The following ERBB4 variants were observed in gnomAD, a reference collection of about 807,000 sequenced individuals.
ERBB4 encodes the protein receptor tyrosine-protein kinase erbB-4.
A neutral mutation model predicts 158.0 loss-of-function variants in ERBB4; 42 were observed. The observed-to-expected ratio is 0.27, with a 90% CI of 0.21 to 0.34. The LOEUF (loss-of-function observed/expected upper bound fraction) is 0.34. Among genes scored for constraint, ERBB4 ranks in the 10% least tolerant of loss-of-function variants. The pLI is 1.00. For synonymous variants in ERBB4, 583 were observed against 558.7 expected (o/e 1.04, Z -0.61); for missense variants, 1,333 against 1,624.1 (o/e 0.82, Z 3.08).
rs542285495 is a variant in ERBB4, at chr2:212,093,505, CT to C, written c.234+31246del. On this transcript the variant is annotated intron_variant, in intron 2 of 27. Transcript: ENST00000342788. The stretch of plus-strand genomic sequence containing the variant: ...ACTCAATGGTGTGAGAGAAGTACAA[CT>C]AAAAAAGAATTACAATGATGAGGAG... Among the ~76,000 whole-genome samples, 142 of 152,172 alleles carry C rather than the reference CT, an allele frequency of 9.3e-4. 1 individual carries two copies. Among genetic ancestry groups the C allele is most frequent in the African/African-American group, 3.3e-3 (136 of 41,510 alleles).
chr2:212,068,796 A>G (rs1189454585), intron 2 of ERBB4, among the ~76,000 whole-genome samples: 4 of 152,234 alleles, frequency 2.6e-5, no homozygotes, highest in African/African-American at 7.2e-5. Flanking sequence ...TAGAATCACA[A>G]ATAAAGCCAA....
At chr2:212,047,628 A>G (rs1276399495) in intron 2 of ERBB4, among the ~76,000 whole-genome samples, 7 of 147,156 alleles carry the variant, frequency 4.8e-5, no homozygotes, top group African/African-American at 1.8e-4. Context: ...ACCCACCACC[A>G]CACTTGGCTA....
At chr2:211,791,341 C>CA (rs2076275301) in intron 3 of ERBB4, among the ~76,000 whole-genome samples, 1 of 151,834 alleles carries the variant, frequency 6.6e-6, no homozygotes, top group African/African-American at 2.4e-5. Context: ...AAGTTTTCCA[C>CA]AAGTTTTATC....
At chr2:212,332,667 A>T (rs1357821610) in intron 1 of ERBB4, among the ~76,000 whole-genome samples, 1 of 152,094 alleles carries the variant, frequency 6.6e-6, no homozygotes, top group Admixed American at 6.6e-5. Flanking sequence ...GATAGGGATG[A>T]AAAGAGTTCA....
chr2:211,722,273 T>G, intron 7 of ERBB4, 120 bp downstream of exon 7: 1 of 809,224 alleles, frequency 1.2e-6, no homozygotes, highest in East Asian at 2.7e-5. Flanking sequence ...GGCAATAGTA[T>G]CTATACCCAA....
At chr2:212,360,201 C>A (rs1426454755) in intron 1 of ERBB4, among the ~76,000 whole-genome samples, 2 of 133,698 alleles carry the variant, frequency 1.5e-5, no homozygotes, top group Non-Finnish European at 3.1e-5. Flanking sequence ...ATAGACTTCT[C>A]ATAGTCCCAT....
intron 1 of ERBB4, among the ~76,000 whole-genome samples, chr2:212,440,429 T>C (rs1280444416): frequency 1.3e-5 from 2 of 152,214 alleles, no homozygotes; most frequent in African/African-American, 4.8e-5. Flanking sequence ...GGACTGGCTG[T>C]CCTTGCTCCT....
chr2:212,440,920 G>C (rs2092241100), intron 1 of ERBB4, among the ~76,000 whole-genome samples: 1 of 152,158 alleles, frequency 6.6e-6, no homozygotes. Flanking sequence ...CTGTCTCTGG[G>C]CTTTAGAAGC....
At chr2:211,972,960 T>A (rs1489921102) in intron 2 of ERBB4, among the ~76,000 whole-genome samples, 2 of 151,530 alleles carry the variant, frequency 1.3e-5, no homozygotes, top group Non-Finnish European at 2.9e-5. Flanking sequence ...ATCAACAGAG[T>A]AAACCTACAA....
chr2:212,031,355 T>A (rs1407130879), intron 2 of ERBB4, among the ~76,000 whole-genome samples: 1 of 152,146 alleles, frequency 6.6e-6, no homozygotes, highest in Non-Finnish European at 1.5e-5. Flanking sequence ...CTATCATAGT[T>A]AAAGTGAGGC....
intron 16 of ERBB4, among the ~76,000 whole-genome samples, chr2:211,631,043 T>C (rs372418630): frequency 1.3e-5 from 2 of 152,332 alleles, no homozygotes; most frequent in East Asian, 3.9e-4. Flanking sequence ...AGTGGCACTA[T>C]TGACATTTGA....
In ERBB4 at chr2:212,205,312, C is replaced by T. The variant is rs953002850; in HGVS notation, c.83-80409G>A. 2.6e-5 allele frequency among the ~76,000 whole-genome samples: 4 copies of T among 152,166 alleles called. No individual in the cohort carries two copies. The East Asian group carries it at 7.7e-4, about 29-fold the overall frequency. On this transcript the variant is annotated intron_variant, in intron 1 of 27. Transcript: ENST00000342788. ...AGTAGCTAGGATTGCAGGTGCGTGC[C>T]ACCACGCCAGCCAATTTTTGCATTT... is the stretch of plus-strand genomic sequence containing the variant.
intron 2 of ERBB4, among the ~76,000 whole-genome samples, chr2:211,966,536 G>A (rs1016506864): frequency 2.6e-5 from 4 of 152,016 alleles, no homozygotes; most frequent in South Asian, 2.1e-4. Context: ...CACTGCACCC[G>A]GACTTAAATT....
intron 3 of ERBB4, among the ~76,000 whole-genome samples, chr2:211,836,540 A>T (rs2077346428): frequency 6.6e-6 from 1 of 152,064 alleles, no homozygotes; most frequent in Non-Finnish European, 1.5e-5. Flanking sequence ...AGTACATACC[A>T]AACTTCCAGA....
chr2:212,001,727 T>C (rs2076110186), intron 2 of ERBB4, among the ~76,000 whole-genome samples: 1 of 152,156 alleles, frequency 6.6e-6, no homozygotes, highest in South Asian at 2.1e-4. Context: ...AAAAGAACTG[T>C]GAAAAGATGA....
chr2:211,766,383 C>T (rs1443569088), intron 4 of ERBB4, among the ~76,000 whole-genome samples: 1 of 152,158 alleles, frequency 6.6e-6, no homozygotes, highest in African/African-American at 2.4e-5. Flanking sequence ...CCCCTTCCTC[C>T]TCTCTAAACT....
intron 3 of ERBB4, among the ~76,000 whole-genome samples, chr2:211,881,209 G>A (rs946569314): frequency 6.6e-6 from 1 of 152,194 alleles, no homozygotes; most frequent in African/African-American, 2.4e-5. Context: ...AGAAGTGGAA[G>A]TGGTCTCGGC....
intron 1 of ERBB4, among the ~76,000 whole-genome samples, chr2:212,514,447 T>C (rs1261821901): frequency 1.3e-5 from 2 of 152,246 alleles, no homozygotes; most frequent in African/African-American, 4.8e-5. Context: ...TCAAATACAT[T>C]AGTTGTCATG....
At chr2:212,488,523 T>G (rs1418204673) in intron 1 of ERBB4, among the ~76,000 whole-genome samples, 2 of 152,044 alleles carry the variant, frequency 1.3e-5, no homozygotes, top group Non-Finnish European at 2.9e-5. Context: ...AGAAATAATT[T>G]GTAGACACTA....
Sources: gnomAD v4.1 joint callset for allele counts (sites outside exome capture counted in the v4.1 genomes callset) on GRCh38, gnomAD v4.1.1 for gene constraint, MANE v1.5 for transcripts, NCBI Gene and HGNC (gene_info 2026-07-23, HGNC 2026-07-21) for gene names.